The following DMD variants were observed in gnomAD, a reference collection of about 807,000 sequenced individuals.
The protein encoded by DMD is mutant dystrophin.
A neutral mutation model predicts 330.1 loss-of-function variants in DMD; 63 were observed. That is an observed-to-expected ratio of 0.19 (90% confidence interval 0.16 to 0.24). The LOEUF (loss-of-function observed/expected upper bound fraction) is 0.24, where lower values mean the gene tolerates loss of function less well. Ranked by LOEUF, DMD falls within the 10% of genes least tolerant of loss-of-function variation. The pLI, the probability that DMD is intolerant of heterozygous loss-of-function variation, is 1.00. For synonymous variants in DMD, 1,223 were observed against 959.8 expected, an observed-to-expected ratio of 1.27 and a Z score of -5.07; for missense variants, 3,344 against 2,684.1, an observed-to-expected ratio of 1.25 and a Z score of -5.43.
rs1569549001 is a variant in DMD at position 32,178,830 on chromosome X, G to GTGTGTGTGTGTGTGTGT, written c.6438+38085_6438+38086insACACACACACACACACA. ...TTTAAGGCTGAAAAATATTCCAGGG[G>GTGTGTGTGTGTGTGTGT]GTGTGTGTGTGTGTGTGTGTGTGTG... On this transcript the variant is annotated intron_variant, in intron 44 of 78. Coordinates refer to ENST00000357033, the MANE Select transcript of DMD (RefSeq NM_004006.3). Among the ~76,000 whole-genome samples the GTGTGTGTGTGTGTGTGT allele has an allele frequency of 1.5e-3, 146 of 99,170 alleles. 2 individuals carry two copies. The highest frequency in any genetic ancestry group is 5.3e-3 in the African/African-American group (140 of 26,394). 86.1% of individuals were successfully genotyped at this position (99,170 alleles called of 115,157 possible).
chrX:32,610,255 C>G (rs1355109619), intron 12 of DMD, among the ~76,000 whole-genome samples: 1 of 111,320 alleles, frequency 9.0e-6, no homozygotes, highest in Non-Finnish European at 1.9e-5. Flanking sequence ...TCTAAATTCT[C>G]TCCCTACAGC....
At chrX:31,595,025 T>C (rs929201963) in intron 55 of DMD, among the ~76,000 whole-genome samples, 6 of 111,674 alleles carry the variant, frequency 5.4e-5, no homozygotes, top group African/African-American at 1.9e-4. Flanking sequence ...ATTAGTATAT[T>C]AGGATTTTTA....
intron 16 of DMD, among the ~76,000 whole-genome samples, chrX:32,558,006 A>G (rs2149044364): frequency 9.0e-6 from 1 of 110,533 alleles, no homozygotes; most frequent in African/African-American, 3.3e-5. Context: ...TTCTTGAATA[A>G]GTACTGACAT....
chrX:32,784,653 TC>T (rs1333155770), intron 7 of DMD, among the ~76,000 whole-genome samples: 3 of 111,868 alleles, frequency 2.7e-5, no homozygotes, highest in African/African-American at 9.7e-5. Flanking sequence ...TGCATTTATG[TC>T]CAACTAATAA....
chrX:31,941,648 A>G (rs988919567), intron 45 of DMD, among the ~76,000 whole-genome samples: 2 of 111,486 alleles, frequency 1.8e-5, no homozygotes, highest in African/African-American at 6.5e-5. Context: ...ATCCCACCAC[A>G]CACAGGTAGT....
At chrX:31,578,220 GA>G (rs1201216286) in intron 55 of DMD, among the ~76,000 whole-genome samples, 1 of 111,802 alleles carries the variant, frequency 8.9e-6, no homozygotes, top group Non-Finnish European at 1.9e-5. Flanking sequence ...AAATGCATGT[GA>G]ACCTCAAAAC....
rs1163704993 is a variant in DMD, at chrX:33,306,174, C to T, written c.7+33085G>A. Among the ~76,000 whole-genome samples the T allele has an allele frequency of 6.3e-5, 7 of 111,676 alleles. No homozygotes were observed. The Admixed American group carries it at 6.7e-4, about 11-fold the overall frequency. On this transcript the variant is annotated intron_variant, in intron 1 of 17. Coordinates refer to the DMD transcript ENST00000288447. ...ACAAGTATCCAGCTTAACCTTTCTC[C>T]CTATGCAGTTGTCTTCTTTACCACA...
intron 50 of DMD, among the ~76,000 whole-genome samples, chrX:31,780,567 T>G (rs1255114113): frequency 8.9e-6 from 1 of 112,142 alleles, no homozygotes; most frequent in Non-Finnish European, 1.9e-5. Context: ...GAATATTTTC[T>G]TTTTGAATAT....
intron 62 of DMD, among the ~76,000 whole-genome samples, chrX:31,307,964 G>A (rs1369797108): frequency 1.8e-5 from 2 of 111,442 alleles, no homozygotes; most frequent in Non-Finnish European, 3.8e-5. Flanking sequence ...AGATGAAACC[G>A]TTCCACCTCA....
intron 37 of DMD, among the ~76,000 whole-genome samples, chrX:32,355,675 T>C (rs2097796651): frequency 9.0e-6 from 1 of 111,423 alleles, no homozygotes; most frequent in Non-Finnish European, 1.9e-5. Flanking sequence ...TAAGCTAACA[T>C]AAGAATTATG....
At chrX:31,408,355 T>C (rs2061493182) in intron 60 of DMD, among the ~76,000 whole-genome samples, 2 of 112,242 alleles carry the variant, frequency 1.8e-5, no homozygotes, top group South Asian at 7.4e-4. Context: ...CTCTTTCTCC[T>C]GCGAAACATA....
chrX:32,533,404 G>A lies in DMD; in HGVS notation c.2168+11755C>T, dbSNP rs777406185. On this transcript the variant is annotated intron_variant, in intron 17 of 78. Coordinates refer to ENST00000357033, the MANE Select transcript of DMD (RefSeq NM_004006.3). The stretch of plus-strand genomic sequence containing the variant: ...ACTTAATCCCATGTAAGTTTTGTTC[G>A]CATACAGGCTTTCCCCTGCAATGAA... Among the ~76,000 whole-genome samples, 14 of 111,479 alleles carry A rather than the reference G, an allele frequency of 1.3e-4. No homozygotes were observed. The South Asian group carries it at 2.3e-3, about 18-fold the overall frequency.
chrX:31,119,855 T>C lies in DMD; in HGVS notation c.*2064A>G, dbSNP rs1376315897. 9.0e-6 allele frequency: 1 copy of C among 111,451 alleles called. No homozygotes were observed. Among genetic ancestry groups the C allele is most frequent in the Non-Finnish European group, 1.9e-5 (1 of 53,057 alleles). The allele number at this position is 111,451 out of a possible 1,213,427, so 9.2% of individuals were successfully genotyped here. A position where few individuals can be genotyped will look rare whatever the true frequency, so the allele number is the denominator to read the frequency against. ...TTTGTTACCTTAGAGCTTTGGGTTT[T>C]CTTTTGAAAATTATGAAGGAAAAAG... On this transcript the variant is annotated 3_prime_UTR_variant, in exon 79 of 79. Transcript: ENST00000357033.
intron 18 of DMD, 122 bp from the exon 19 acceptor site, chrX:32,501,964 A>G (rs2044102803): frequency 1.9e-6 from 1 of 528,222 alleles, no homozygotes. Context: ...TATCACGTGA[A>G]TCTAAAGACT....
At chrX:33,260,796 G>T in intron 1 of DMD, among the ~76,000 whole-genome samples, 1 of 111,122 alleles carries the variant, frequency 9.0e-6, no homozygotes, top group Admixed American at 9.7e-5. Flanking sequence ...TTTGTATTTT[G>T]TCGATGATAG....
chrX:32,684,813 T>G (rs2062731591), intron 9 of DMD, among the ~76,000 whole-genome samples: 1 of 111,531 alleles, frequency 9.0e-6, no homozygotes, highest in Admixed American at 9.6e-5. Flanking sequence ...CATTCTAGTT[T>G]TACTTATTGA....
intron 1 of DMD, among the ~76,000 whole-genome samples, chrX:33,236,557 G>A (rs896659326): frequency 3.6e-5 from 4 of 111,029 alleles, no homozygotes; most frequent in East Asian, 2.8e-4. Context: ...GAGCCACCGC[G>A]TCCGGACTCT....
chrX:33,257,935 T>C (rs768307917), intron 1 of DMD, among the ~76,000 whole-genome samples: 1 of 110,947 alleles, frequency 9.0e-6, no homozygotes, highest in Non-Finnish European at 1.9e-5. Flanking sequence ...AAGATCAAAC[T>C]GTTGTATCTA....
intron 7 of DMD, among the ~76,000 whole-genome samples, chrX:32,735,789 G>A (rs1483669623): frequency 9.0e-5 from 10 of 111,621 alleles, no homozygotes; most frequent in South Asian, 3.8e-4. Context: ...AAACTTAAAC[G>A]TTAGACCTAA....
Sources: gnomAD v4.1 joint callset for allele counts (sites outside exome capture counted in the v4.1 genomes callset) on GRCh38, gnomAD v4.1.1 for gene constraint, MANE v1.5 for transcripts, NCBI Gene and HGNC (gene_info 2026-07-23, HGNC 2026-07-21) for gene names.